GALNT12: variants seen among roughly 807,000 people sequenced by gnomAD.
GALNT12 encodes UDP-GalNAc:polypeptide N-acetylgalactosaminyltransferase 12.
In GALNT12, 45 loss-of-function variants were observed where a neutral mutation model predicts 55.5. That is an observed-to-expected ratio of 0.81 (90% CI 0.64 to 1.04). The LOEUF (loss-of-function observed/expected upper bound fraction) is 1.04, where lower values mean the gene tolerates loss of function less well. Ranked by LOEUF, GALNT12 falls within the 50% of genes least tolerant of loss-of-function variation. The pLI, the probability that GALNT12 is intolerant of heterozygous loss-of-function variation, is 0.00. For missense variants in GALNT12, 709 were observed against 754.8 expected, an observed-to-expected ratio of 0.94 and a Z score of 0.71; for synonymous variants, 304 against 312.2, an observed-to-expected ratio of 0.97 and a Z score of 0.28.
chr9:98,846,527 C>T (rs538986477), intron 9 of GALNT12, among the ~76,000 whole-genome samples: 1 of 152,178 alleles, frequency 6.6e-6, no homozygotes, highest in South Asian at 2.1e-4. Flanking sequence ...AGATATAAGC[C>T]ACCCCACCTC....
At chr9:98,832,033 C>T in intron 4 of GALNT12, 76 bp downstream of exon 4, 1 of 1,293,118 alleles carries the variant, frequency 7.7e-7, no homozygotes, top group Non-Finnish European at 1.1e-6. Flanking sequence ...AGCGGAGGCC[C>T]TCGGGAGGAA....
chr9:98,829,844 T>A (rs1159668926), intron 3 of GALNT12, among the ~76,000 whole-genome samples: 2 of 152,250 alleles, frequency 1.3e-5, no homozygotes, highest in African/African-American at 4.8e-5. Flanking sequence ...TGTGAGTATA[T>A]GTACCACATA....
chr9:98,819,736 G>T (rs1451361294), intron 1 of GALNT12, among the ~76,000 whole-genome samples: 1 of 151,974 alleles, frequency 6.6e-6, no homozygotes, highest in Non-Finnish European at 1.5e-5. Flanking sequence ...TAGGAGGGAA[G>T]GCCAGGTGGG....
Position 98,834,391 on chromosome 9 carries a change from G to A in GALNT12, c.918-858G>A, listed in dbSNP as rs568902193. ...CCGCCTCAGCCTCCCAAAGTGCTGG[G>A]ATTACAGGTATGAGCCACCGTGCCC... is the stretch of plus-strand genomic sequence containing the variant. On this transcript the variant is annotated intron_variant, in intron 4 of 9. Transcript: ENST00000375011. Among the ~76,000 whole-genome samples the A allele has an allele frequency of 2.2e-4, 34 of 152,292 alleles. No individual in the cohort carries two copies. In the South Asian group the frequency reaches 6.9e-3, roughly 31 times the overall value.
intron 3 of GALNT12, among the ~76,000 whole-genome samples, chr9:98,828,386 GCA>G (rs1424891709): frequency 6.6e-6 from 1 of 152,208 alleles, no homozygotes; most frequent in East Asian, 1.9e-4. Flanking sequence ...GGAGATTAGA[GCA>G]CAGTTATGGC....
intron 1 of GALNT12, among the ~76,000 whole-genome samples, chr9:98,818,105 T>C (rs1835655494): frequency 6.6e-6 from 1 of 152,252 alleles, no homozygotes; most frequent in Non-Finnish European, 1.5e-5. Flanking sequence ...AACAGTTCTT[T>C]ACCTGTCTCT....
chr9:98,815,995 A>G (rs1835601763), intron 1 of GALNT12, among the ~76,000 whole-genome samples: 1 of 152,184 alleles, frequency 6.6e-6, no homozygotes, highest in Admixed American at 6.5e-5. Flanking sequence ...TGTAGTAAAC[A>G]CTCAACAAAG....
intron 5 of GALNT12, among the ~76,000 whole-genome samples, chr9:98,836,327 G>A (rs1407503): frequency 0.32 from 48,839 of 151,998 alleles, 8,096 homozygotes; most frequent in East Asian, 0.37. Context: ...TTTATATGGT[G>A]TTCTGCCCTC....
At chr9:98,812,498 G>A (rs987737320) in intron 1 of GALNT12, among the ~76,000 whole-genome samples, 2 of 152,142 alleles carry the variant, frequency 1.3e-5, no homozygotes, top group African/African-American at 4.8e-5. Context: ...GGCTGAGGCA[G>A]GAGAATTACT....
chr9:98,824,856 G>T (rs367676883), intron 2 of GALNT12, among the ~76,000 whole-genome samples: 24 of 152,306 alleles, frequency 1.6e-4, no homozygotes, highest in Middle Eastern at 3.4e-3. Context: ...CACATAGTAG[G>T]TGCTCATCTG....
chr9:98,846,292 C>T (rs985503031), intron 9 of GALNT12, among the ~76,000 whole-genome samples, 169 bp downstream of exon 9: 12 of 152,040 alleles, frequency 7.9e-5, no homozygotes, highest in African/African-American at 2.7e-4. Context: ...GCCTGGGGGG[C>T]GGTGATGGCA....
chr9:98,831,964 A>C lies in GALNT12; in HGVS notation c.917+7A>C, dbSNP rs1171270353. On this transcript the variant is annotated splice_region_variant and intron_variant, in intron 4 of 9. Transcript: ENST00000375011. ...CCCCCGTCGATGTCATCAGGTCAGG[A>C]GCTGACTTCTGGGTGACTTGTTTTT... The C allele has an allele frequency of 6.2e-7, 1 of 1,612,372 alleles. No homozygotes were observed. The highest frequency in any genetic ancestry group is 8.5e-7 in the Non-Finnish European group (1 of 1,178,802).
rs1415860051 is a variant in GALNT12, at chr9:98,840,285, C to T, written c.1344+152C>T. ...CCACCCCCCACCACCTTTTTATCCA[C>T]TGCCCTTCTTTCTCCCTGTGAGCGT... On this transcript the variant is annotated intron_variant, in intron 7 of 9. Transcript: ENST00000375011. 156 of 859,960 alleles carry T rather than the reference C, an allele frequency of 1.8e-4. 3 individuals are homozygous for T. The South Asian group carries it at 2.3e-3, about 13-fold the overall frequency. 53.3% of individuals were successfully genotyped at this position (859,960 alleles called of 1,614,324 possible).
At chr9:98,836,289 A>G (rs930717140) in intron 5 of GALNT12, among the ~76,000 whole-genome samples, 2 of 152,224 alleles carry the variant, frequency 1.3e-5, no homozygotes, top group Non-Finnish European at 2.9e-5. Context: ...GGTGCTTTTC[A>G]GTGGAAAATT....
At position 98,827,551 on chromosome 9, in the gene GALNT12, G is replaced by A. The variant is rs79793277; in HGVS notation, c.731+610G>A. Among the ~76,000 whole-genome samples, 1,186 of 152,220 alleles carry A rather than the reference G, an allele frequency of 7.8e-3. 15 individuals carry two copies. The highest frequency in any genetic ancestry group is 0.026 in the African/African-American group (1,087 of 41,508). ...CCAAGAACATTTTAAAAAATCCTCA[G>A]TCAAATAGAATGGCACTCCTAAAGA... On this transcript the variant is annotated intron_variant, in intron 3 of 9. Coordinates refer to ENST00000375011, the MANE Select transcript of GALNT12 (RefSeq NM_024642.5).
chr9:98,848,821 C>G (rs940514777), intron 9 of GALNT12, 131 bp from the exon 10 acceptor site: 4 of 1,069,640 alleles, frequency 3.7e-6, no homozygotes, highest in Non-Finnish European at 5.5e-6. Context: ...TGCTGCGTTA[C>G]ACGGAAGACA....
intron 4 of GALNT12, among the ~76,000 whole-genome samples, chr9:98,833,125 G>T (rs1421318870): frequency 6.6e-6 from 1 of 152,114 alleles, no homozygotes; most frequent in Non-Finnish European, 1.5e-5. Flanking sequence ...GCCCAAGGGA[G>T]GCTCAGCAGC....
intron 3 of GALNT12, among the ~76,000 whole-genome samples, chr9:98,829,016 G>C (rs1331664221): frequency 6.6e-6 from 1 of 151,986 alleles, no homozygotes. Context: ...TTTTAGTAGG[G>C]ACAGAGTTTC....
intron 6 of GALNT12, 91 bp downstream of exon 6, chr9:98,837,239 A>G: frequency 1.6e-6 from 2 of 1,235,390 alleles, no homozygotes; most frequent in Middle Eastern, 1.9e-4. Context: ...ATCTGGTTCC[A>G]GAAATAGAGA....
Sources: allele counts gnomAD v4.1 joint callset (sites outside exome capture counted in the v4.1 genomes callset), GRCh38; gene constraint gnomAD v4.1.1; transcripts MANE v1.5; gene names NCBI Gene and HGNC (gene_info 2026-07-23, HGNC 2026-07-21).